Variants in MCTP2 observed in about 807,000 individuals in gnomAD.
MCTP2 encodes multiple C2 and transmembrane domain containing 2.
Under a neutral mutation model 111.6 loss-of-function variants are expected in MCTP2, and 132 were observed. That is an observed-to-expected ratio of 1.18 (90% confidence interval 1.03 to 1.37). The LOEUF (loss-of-function observed/expected upper bound fraction) is 1.37, where lower values mean the gene tolerates loss of function less well. Among genes scored for constraint, MCTP2 ranks in the 40% most tolerant of loss-of-function variants. The probability of loss-of-function intolerance (pLI) is 0.00; values close to 1 mark genes in which losing one functional copy is unlikely to be tolerated. For synonymous variants in MCTP2, 395 were observed against 387.7 expected (o/e 1.02, Z -0.22); for missense variants, 1,183 against 1,067.9 (o/e 1.11, Z -1.50).
chr15:94,470,077 T>C (rs1386235751), intron 20 of MCTP2, among the ~76,000 whole-genome samples: 1 of 152,140 alleles, frequency 6.6e-6, no homozygotes, highest in East Asian at 1.9e-4. Flanking sequence ...TCTCTGGAAC[T>C]ATGGGTTCCA....
intron 1 of MCTP2, among the ~76,000 whole-genome samples, chr15:94,297,928 A>AT (rs34773310): frequency 0.026 from 3,795 of 143,454 alleles, 148 homozygotes; most frequent in African/African-American, 0.09. Flanking sequence ...TTCATGAAGC[A>AT]TTTTTTTTTT....
chr15:94,253,313 A>G (rs1390383216), intron 1 of MCTP2, among the ~76,000 whole-genome samples: 1 of 152,054 alleles, frequency 6.6e-6, no homozygotes, highest in Non-Finnish European at 1.5e-5. Flanking sequence ...CTTCCACCTT[A>G]CCTTCTGTAA....
chr15:94,430,373 CA>C (rs754642193), intron 17 of MCTP2, among the ~76,000 whole-genome samples: 3 of 140,492 alleles, frequency 2.1e-5, no homozygotes, highest in South Asian at 2.3e-4. Flanking sequence ...AAAAAACAAA[CA>C]AAAAAAACCC....
chr15:94,281,865 A>C (rs1296908515), intron 1 of MCTP2, among the ~76,000 whole-genome samples: 1 of 151,662 alleles, frequency 6.6e-6, no homozygotes, highest in African/African-American at 2.4e-5. Flanking sequence ...TTTTTTTTTC[A>C]TATACTGAAT....
intron 1 of MCTP2, among the ~76,000 whole-genome samples, chr15:94,297,142 G>C (rs1043571193): frequency 2.0e-5 from 3 of 152,174 alleles, no homozygotes; most frequent in African/African-American, 7.2e-5. Context: ...TGCCCATCCT[G>C]TTCTTTTTCA....
intron 19 of MCTP2, among the ~76,000 whole-genome samples, chr15:94,450,688 TGGGA>T (rs1474759851): frequency 6.6e-6 from 1 of 152,216 alleles, no homozygotes; most frequent in Non-Finnish European, 1.5e-5. Flanking sequence ...TTGAAATTAC[TGGGA>T]GGATTTTGAG....
intron 17 of MCTP2, among the ~76,000 whole-genome samples, chr15:94,406,859 T>G (rs1036497892): frequency 3.0e-5 from 2 of 65,836 alleles, no homozygotes; most frequent in Non-Finnish European, 5.6e-5. Context: ...TTTTCAGTTG[T>G]TTTTTTTTTT....
At chr15:94,453,867 C>G (rs2084629872) in intron 19 of MCTP2, among the ~76,000 whole-genome samples, 1 of 152,064 alleles carries the variant, frequency 6.6e-6, no homozygotes. Context: ...AGGAAGTATC[C>G]AAGAAAATCA....
chr15:94,445,547 T>C (rs567021144), intron 19 of MCTP2, among the ~76,000 whole-genome samples: 2 of 152,288 alleles, frequency 1.3e-5, no homozygotes, highest in Middle Eastern at 3.4e-3. Context: ...CTTTCAGACT[T>C]TTTGAGTGCA....
rs114842142 is a variant in MCTP2 at position 94,290,845 on chromosome 15, G to A, written c.-65-7356G>A. Among the ~76,000 whole-genome samples the A allele has an allele frequency of 7.9e-3, 1,209 of 152,302 alleles. 27 individuals carry two copies. The highest frequency in any genetic ancestry group is 0.028 in the African/African-American group (1,148 of 41,554). On this transcript the variant is annotated intron_variant, in intron 1 of 22. Transcript: ENST00000357742. ...TACATATTGATTGAAGGGTTAGTTC[G>A]GGAAGAAGCTATAACAATCATAAAT...
chr15:94,411,674 A>C (rs963239359), intron 17 of MCTP2, among the ~76,000 whole-genome samples: 1 of 152,112 alleles, frequency 6.6e-6, no homozygotes, highest in African/African-American at 2.4e-5. Context: ...GGGTTGTGTC[A>C]TTGGCTTTTT....
intron 4 of MCTP2, among the ~76,000 whole-genome samples, chr15:94,321,387 G>C (rs2076623696): frequency 6.6e-6 from 1 of 152,142 alleles, no homozygotes; most frequent in African/African-American, 2.4e-5. Flanking sequence ...TTGTATGCAT[G>C]TATCAAAATA....
At chr15:94,376,229 A>T (rs915970516) in intron 12 of MCTP2, among the ~76,000 whole-genome samples, 1 of 152,226 alleles carries the variant, frequency 6.6e-6, no homozygotes, top group African/African-American at 2.4e-5. Context: ...TTGAGCCGTA[A>T]CTGCAGTAAA....
chr15:94,268,347 ATTTT>A (rs59728541), intron 1 of MCTP2, among the ~76,000 whole-genome samples: 2 of 144,196 alleles, frequency 1.4e-5, no homozygotes, highest in Non-Finnish European at 3.0e-5. Flanking sequence ...TACCTGGCTA[ATTTT>A]TTTTTTTTTT....
chr15:94,464,237 A>AT (rs2085389098), intron 20 of MCTP2, among the ~76,000 whole-genome samples: 1 of 57,792 alleles, frequency 1.7e-5, no homozygotes, highest in East Asian at 4.0e-4. Context: ...GTTTATATAT[A>AT]TAATATATAT....
At chr15:94,317,767 G>A (rs1275104319) in intron 4 of MCTP2, among the ~76,000 whole-genome samples, 1 of 152,122 alleles carries the variant, frequency 6.6e-6, no homozygotes, top group East Asian at 1.9e-4. Flanking sequence ...TTTCAGAACT[G>A]TATGAAGTAT....
At chr15:94,396,794 T>C (rs1162465903) in intron 14 of MCTP2, among the ~76,000 whole-genome samples, 1 of 152,138 alleles carries the variant, frequency 6.6e-6, no homozygotes, top group African/African-American at 2.4e-5. Context: ...GGAGAATGAA[T>C]AAATTATAGT....
chr15:94,279,200 T>C (rs536706000), intron 1 of MCTP2, among the ~76,000 whole-genome samples: 142 of 152,324 alleles, frequency 9.3e-4, no homozygotes, highest in African/African-American at 3.3e-3. Context: ...TGTAAATTGC[T>C]TTGGGCAGTG....
intron 10 of MCTP2, among the ~76,000 whole-genome samples, chr15:94,362,524 C>T (rs753723555): frequency 1.7e-4 from 26 of 152,208 alleles, no homozygotes; most frequent in Middle Eastern, 3.4e-3. Flanking sequence ...TCTGAGGCAG[C>T]GAAAAATCTG....
Sources: allele counts gnomAD v4.1 joint callset (sites outside exome capture counted in the v4.1 genomes callset), GRCh38; gene constraint gnomAD v4.1.1; transcripts MANE v1.5; gene names NCBI Gene and HGNC (gene_info 2026-07-23, HGNC 2026-07-21).